Variants in ITPR2 observed in about 807,000 individuals in gnomAD.
The protein encoded by ITPR2 is inositol 1,4,5-trisphosphate-gated calcium channel ITPR2.
In ITPR2, 207 loss-of-function variants were observed where a neutral mutation model predicts 317.1. The ratio of observed to expected loss-of-function variants is 0.65; its 90% CI spans 0.58 to 0.73. The LOEUF is 0.73. Ranked by LOEUF, ITPR2 falls within the 30% of genes least tolerant of loss-of-function variation. The pLI is 0.00. For synonymous variants in ITPR2, 1,156 were observed against 1,149.1 expected (o/e 1.01, Z -0.12); for missense variants, 2,613 against 3,284.0 (o/e 0.80, Z 4.99).
At chr12:26,481,734 A>G (rs1942549159) in intron 42 of ITPR2, among the ~76,000 whole-genome samples, 1 of 152,212 alleles carries the variant, frequency 6.6e-6, no homozygotes. Context: ...ACTGATGACA[A>G]GAGATGCTGC....
chr12:26,700,367 A>G (rs1948422566), intron 9 of ITPR2, among the ~76,000 whole-genome samples: 1 of 152,236 alleles, frequency 6.6e-6, no homozygotes, highest in African/African-American at 2.4e-5. Context: ...TTCTTTAAAG[A>G]AGACCCACCA....
intron 1 of ITPR2, among the ~76,000 whole-genome samples, chr12:26,824,840 T>C (rs1215665771): frequency 6.6e-6 from 1 of 152,228 alleles, no homozygotes; most frequent in East Asian, 1.9e-4. Context: ...TCTAAAGCTA[T>C]ATATTTTTAA....
Position 26,793,174 on chromosome 12 carries a change from C to T in ITPR2, c.93-2947G>A, listed in dbSNP as rs375486761. On this transcript the variant is annotated intron_variant, in intron 1 of 56. Transcript: ENST00000381340. ...CAGTTAACTTTTATAAGCTAAGGAC[C>T]AGAATTTACAACCAAATAGGGATAA... 2.0e-5 allele frequency among the ~76,000 whole-genome samples: 3 copies of T among 152,082 alleles called. No homozygotes were observed. In the East Asian group the frequency reaches 5.8e-4, roughly 29 times the overall value.
At chr12:26,672,822 AAG>A (rs1442545738) in intron 13 of ITPR2, among the ~76,000 whole-genome samples, 2 of 151,982 alleles carry the variant, frequency 1.3e-5, no homozygotes, top group Non-Finnish European at 2.9e-5. Flanking sequence ...TAAAGAAAAA[AAG>A]AGAGAAGAAT....
chr12:26,720,481 T>C (rs1331646105), intron 5 of ITPR2, among the ~76,000 whole-genome samples: 1 of 152,190 alleles, frequency 6.6e-6, no homozygotes, highest in Non-Finnish European at 1.5e-5. Context: ...ATTTTAGAAA[T>C]ACGCTACCTA....
intron 6 of ITPR2, 50 bp from the exon 7 acceptor site, chr12:26,715,885 T>C: frequency 3.2e-6 from 4 of 1,265,952 alleles, no homozygotes; most frequent in Non-Finnish European, 2.3e-6. Context: ...TTCCATTCTC[T>C]ACCAGAAATT....
chr12:26,507,957 C>A (rs997708111), intron 37 of ITPR2, among the ~76,000 whole-genome samples: 1 of 150,754 alleles, frequency 6.6e-6, no homozygotes, highest in African/African-American at 2.4e-5. Flanking sequence ...GATATTGATG[C>A]ATATTTGTAA....
At chr12:26,464,040 T>G (rs1942108165) in intron 45 of ITPR2, among the ~76,000 whole-genome samples, 1 of 152,156 alleles carries the variant, frequency 6.6e-6, no homozygotes. Flanking sequence ...CCACAAAGCC[T>G]TATACAGTAA....
intron 37 of ITPR2, among the ~76,000 whole-genome samples, chr12:26,515,170 A>C (rs1943452854): frequency 6.6e-6 from 1 of 152,238 alleles, no homozygotes; most frequent in African/African-American, 2.4e-5. Context: ...ATCAAAAGAT[A>C]TAGGGAGAAA....
At chr12:26,357,889 G>A (rs151096614) in intron 55 of ITPR2, among the ~76,000 whole-genome samples, 213 of 152,370 alleles carry the variant, frequency 1.4e-3, no homozygotes, top group Non-Finnish European at 2.5e-3. Context: ...AGGTGAGGAA[G>A]CTGCAGGGCG....
intron 55 of ITPR2, among the ~76,000 whole-genome samples, chr12:26,340,550 G>A (rs1938076126): frequency 6.6e-6 from 1 of 152,160 alleles, no homozygotes; most frequent in Non-Finnish European, 1.5e-5. Context: ...GGCTTCCAGG[G>A]AGGTTCCGGC....
intron 39 of ITPR2, among the ~76,000 whole-genome samples, chr12:26,492,919 G>GTATA (rs150335068): frequency 6.4e-4 from 93 of 144,478 alleles, no homozygotes; most frequent in African/African-American, 1.8e-3. Flanking sequence ...GTGTGTGTGT[G>GTATA]TATATATATA....
At chr12:26,472,061 A>G (rs1196030946) in intron 45 of ITPR2, among the ~76,000 whole-genome samples, 5 of 152,252 alleles carry the variant, frequency 3.3e-5, no homozygotes, top group Non-Finnish European at 5.9e-5. Context: ...GCAGAGCACA[A>G]TGGTCTCTCT....
chr12:26,633,645 A>T (rs2136839405), intron 21 of ITPR2, among the ~76,000 whole-genome samples: 1 of 152,358 alleles, frequency 6.6e-6, no homozygotes, highest in South Asian at 2.1e-4. Context: ...GTGGTTCTCA[A>T]ACAATCATAG....
intron 21 of ITPR2, among the ~76,000 whole-genome samples, chr12:26,653,528 C>T (rs1452045015): frequency 6.6e-6 from 1 of 152,204 alleles, no homozygotes; most frequent in Non-Finnish European, 1.5e-5. Flanking sequence ...GCGTGAGCCA[C>T]CGTGCCTGGC....
chr12:26,736,020 CT>C (rs1487401587), intron 2 of ITPR2, among the ~76,000 whole-genome samples: 2 of 152,178 alleles, frequency 1.3e-5, no homozygotes, highest in Non-Finnish European at 2.9e-5. Flanking sequence ...TATTCAGCCC[CT>C]ATTAGCTACT....
chr12:26,612,025 G>A (rs1433167583), intron 26 of ITPR2, among the ~76,000 whole-genome samples: 2 of 152,130 alleles, frequency 1.3e-5, no homozygotes, highest in East Asian at 1.9e-4. Flanking sequence ...TGCTAGGCTC[G>A]AGGGACGCAA....
At chr12:26,627,952 T>C in intron 23 of ITPR2, 81 bp downstream of exon 23, 1 of 1,261,326 alleles carries the variant, frequency 7.9e-7, no homozygotes, top group Non-Finnish European at 1.1e-6. Flanking sequence ...AAAAATATAA[T>C]TATGTTTTAA....
intron 55 of ITPR2, among the ~76,000 whole-genome samples, chr12:26,340,802 C>T (rs1235636564): frequency 6.6e-6 from 1 of 152,186 alleles, no homozygotes; most frequent in Non-Finnish European, 1.5e-5. Flanking sequence ...TCTGTAAAGG[C>T]TCCCCACCAG....
Sources: gnomAD v4.1 joint callset for allele counts (sites outside exome capture counted in the v4.1 genomes callset) on GRCh38, gnomAD v4.1.1 for gene constraint, MANE v1.5 for transcripts, NCBI Gene and HGNC (gene_info 2026-07-23, HGNC 2026-07-21) for gene names.